PCDHGA4: variants seen among roughly 807,000 people sequenced by gnomAD.
The protein encoded by PCDHGA4 is protocadherin gamma-A4.
A neutral mutation model predicts 54.6 loss-of-function variants in PCDHGA4; 38 were observed. That is an observed-to-expected ratio of 0.70 (90% CI 0.54 to 0.91). The LOEUF (loss-of-function observed/expected upper bound fraction) is 0.91, where lower values mean the gene tolerates loss of function less well. PCDHGA4 is among the 40% of genes least tolerant of loss of function. PCDHGA4 has a pLI of 0.00. For missense variants in PCDHGA4, 1,298 were observed against 1,220.9 expected (o/e 1.06, Z -0.94); for synonymous variants, 511 against 512.9 (o/e 1.00, Z 0.05).
At position 141,399,887 on chromosome 5, in the gene PCDHGA4, T is replaced by C. The variant is rs1189359878; in HGVS notation, c.2514+42266T>C. ...GAGCCCGGCTACCTGGTGACCAAGG[T>C]AGTGGCCGTGGACGCAGACTCAGGA... On this transcript the variant is annotated intron_variant, in intron 1 of 3. Coordinates refer to ENST00000571252, the MANE Select transcript of PCDHGA4 (RefSeq NM_018917.4). 3 of 1,612,524 alleles carry C rather than the reference T, an allele frequency of 1.9e-6. No homozygotes were observed. The African/African-American group carries it at 4.0e-5, about 22-fold the overall frequency.
chr5:141,385,157 A>G (rs1338074749), intron 1 of PCDHGA4: 1 of 1,614,208 alleles, frequency 6.2e-7, no homozygotes, highest in East Asian at 2.2e-5. Flanking sequence ...CTGCAGACCT[A>G]TTCCCATGAG....
rs756091940 is a variant in PCDHGA4 at position 141,355,810 on chromosome 5, G to C, written c.703G>C (p.Glu235Gln). The change falls in exon 1 of 4, where the codon GAA (glutamate) becomes CAA (glutamine). Residue 235 changes from glutamate (E) to glutamine (Q), a missense_variant. Coordinates refer to ENST00000571252, the MANE Select transcript of PCDHGA4 (RefSeq NM_018917.4). ...LVLERALDRE[E>Q]EAVHHLVLTA... is the part of the protein sequence containing the mutation. ...GCTGGAACGCGCTCTAGATCGCGAG[G>C]AAGAGGCGGTTCACCACCTCGTTCT... 6.2e-7 allele frequency: 1 copy of C among 1,613,274 alleles called. No individual in the cohort carries two copies. The highest frequency in any genetic ancestry group is 8.5e-7 in the Non-Finnish European group (1 of 1,179,526).
intron 1 of PCDHGA4, among the ~76,000 whole-genome samples, chr5:141,400,827 C>G (rs1236536713): frequency 2.0e-5 from 3 of 152,178 alleles, no homozygotes; most frequent in Admixed American, 2.0e-4. Flanking sequence ...TTCGTTGTCT[C>G]ATTCTTTAAC....
chr5:141,400,674 T>A, intron 1 of PCDHGA4: 1 of 917,906 alleles, frequency 1.1e-6, no homozygotes, highest in Non-Finnish European at 1.7e-6. Flanking sequence ...AGAGGAGCAG[T>A]AAATTGTGAG....
rs200724467 is a variant in PCDHGA4 at position 141,399,395 on chromosome 5, G to A, written c.2514+41774G>A. 5,303 of 1,613,964 alleles carry A rather than the reference G, an allele frequency of 3.3e-3. 153 individuals carry two copies. In the South Asian group the frequency reaches 0.047, roughly 14 times the overall value. ...AATGTCACCATCACAGCCACAGACA[G>A]GGGCAAGCCGCCCCTCTCCTCCAGC... On this transcript the variant is annotated intron_variant, in intron 1 of 3. Coordinates refer to ENST00000571252, the MANE Select transcript of PCDHGA4 (RefSeq NM_018917.4).
Position 141,411,472 on chromosome 5 carries a change from T to G in PCDHGA4, c.2514+53851T>G, listed in dbSNP as rs546914871. ...GGTAGCATTCCCCTGTGGTCCCAGC[T>G]ACTTGGGAGGCTGAGCTGGGTGGAT... On this transcript the variant is annotated intron_variant, in intron 1 of 3. Coordinates refer to ENST00000571252, the MANE Select transcript of PCDHGA4 (RefSeq NM_018917.4). 2.6e-5 allele frequency: 4 copies of G among 151,948 alleles called. 1 individual carries two copies. The South Asian group carries it at 8.3e-4, about 32-fold the overall frequency. The allele number at this position is 151,948 out of a possible 1,614,324, so 9.4% of individuals were successfully genotyped here.
At chr5:141,494,965 C>T in intron 2 of PCDHGA4, 100 bp downstream of exon 2, 1 of 1,592,636 alleles carries the variant, frequency 6.3e-7, no homozygotes, top group Non-Finnish European at 8.6e-7. Context: ...CTACAGATGG[C>T]TTCTCCCTCA....
At chr5:141,460,010 G>A (rs376180479) in intron 1 of PCDHGA4, among the ~76,000 whole-genome samples, 1 of 152,126 alleles carries the variant, frequency 6.6e-6, no homozygotes, top group Admixed American at 6.5e-5. Context: ...CCCAGGAGGC[G>A]GAGGTTGCAG....
chr5:141,394,178 C>T (rs1180220826), intron 1 of PCDHGA4: 2 of 1,613,812 alleles, frequency 1.2e-6, no homozygotes, highest in South Asian at 2.2e-5. Flanking sequence ...TCCCTCATGC[C>T]TCCTACTCAG....
rs755675913 is a variant in PCDHGA4 at position 141,356,301 on chromosome 5, A to T, written c.1194A>T (p.Ala398=). 2 of 1,554,592 alleles carry T rather than the reference A, an allele frequency of 1.3e-6. No individual in the cohort carries two copies. The highest frequency in any genetic ancestry group is 1.7e-6 in the Non-Finnish European group (2 of 1,148,452). Residue 398 remains alanine, a synonymous_variant, in exon 1 of 4, where the codon GCA becomes GCT. Transcript: ENST00000571252. The part of the protein sequence containing the change: ...QESSSPGTVI[A]LFNVHDSDSG... Reference sequence around the variant, plus strand: ...CTTCTTCCCCGGGTACAGTAATTGCACTTTTCAACGTGCATGACAGTGACT... The same window carrying T: ...CTTCTTCCCCGGGTACAGTAATTGCTCTTTTCAACGTGCATGACAGTGACT...
intron 1 of PCDHGA4, among the ~76,000 whole-genome samples, chr5:141,483,547 G>A (rs1202182188): frequency 6.6e-6 from 1 of 152,140 alleles, no homozygotes. Context: ...GGTTGACAGT[G>A]CCATTCACAG....
In PCDHGA4 at chr5:141,357,746, G is replaced by A; in HGVS notation, c.2514+125G>A. ...TCTTTTAATATTTTATTGCTTTAAAGAAAACTGGTGGATGACCTTCCAATA... is the reference window on the plus strand; with the variant it reads ...TCTTTTAATATTTTATTGCTTTAAAAAAAACTGGTGGATGACCTTCCAATA... On this transcript the variant is annotated intron_variant, in intron 1 of 3. Coordinates refer to ENST00000571252, the MANE Select transcript of PCDHGA4 (RefSeq NM_018917.4). 3 of 1,173,014 alleles carry A rather than the reference G, an allele frequency of 2.6e-6. No individual in the cohort carries two copies. In the South Asian group the frequency reaches 4.9e-5, roughly 19 times the overall value. 72.7% of individuals were successfully genotyped at this position (1,173,014 alleles called of 1,614,324 possible). A position where few individuals can be genotyped will look rare whatever the true frequency, so the allele number is the denominator to read the frequency against.
chr5:141,356,730 T>C lies in PCDHGA4; in HGVS notation c.1623T>C (p.Asn541=). 1 of 1,613,992 alleles carries C rather than the reference T, an allele frequency of 6.2e-7. No homozygotes were observed. The highest frequency in any genetic ancestry group is 1.6e-4 in the Middle Eastern group (1 of 6,062). The part of the protein sequence containing the change: ...PLSSYVSINS[N]TGILYALCSF... ...CCTCCTATGTCTCCATCAACTCCAATACAGGGATCCTATATGCTCTTTGCT... is the reference window on the plus strand; with the variant it reads ...CCTCCTATGTCTCCATCAACTCCAACACAGGGATCCTATATGCTCTTTGCT... Residue 541 remains asparagine, a synonymous_variant, in exon 1 of 4, where the codon AAT becomes AAC. Coordinates refer to ENST00000571252, the MANE Select transcript of PCDHGA4 (RefSeq NM_018917.4).
At chr5:141,395,358 G>C in intron 1 of PCDHGA4, 1 of 1,346,158 alleles carries the variant, frequency 7.4e-7, no homozygotes, top group Non-Finnish European at 9.9e-7. Flanking sequence ...ACAGAGTTTT[G>C]GGTTTATTTT....
At chr5:141,429,925 A>G (rs1009987955) in intron 1 of PCDHGA4, among the ~76,000 whole-genome samples, 5 of 152,244 alleles carry the variant, frequency 3.3e-5, no homozygotes, top group African/African-American at 1.2e-4. Flanking sequence ...TATTAATAGA[A>G]TTCTGGAGTA....
chr5:141,365,891 G>C, intron 1 of PCDHGA4: 1 of 1,614,136 alleles, frequency 6.2e-7, no homozygotes, highest in Non-Finnish European at 8.5e-7. Flanking sequence ...GAGATCCTTC[G>C]ACTATGAGCA....
At position 141,487,790 on chromosome 5, in the gene PCDHGA4, C is replaced by T. The variant is rs1360781901; in HGVS notation, c.2515-7017C>T. 6.6e-7 allele frequency: 1 copy of T among 1,511,992 alleles called. No individual in the cohort carries two copies. Among genetic ancestry groups the T allele is most frequent in the Non-Finnish European group, 8.9e-7 (1 of 1,120,458 alleles). The allele number at this position is 1,511,992 out of a possible 1,614,324, so 93.7% of individuals were successfully genotyped here. ...GCTTTGTAACTGTTTCGTGAATTAA[C>T]CAGAGTTGTCACAGTTTAGCATTGG... On this transcript the variant is annotated intron_variant, in intron 1 of 3. Coordinates refer to ENST00000571252, the MANE Select transcript of PCDHGA4 (RefSeq NM_018917.4). This position sits in a 1 kb window ranked among gnomAD's most constrained non-coding sequence, Gnocchi z 5.0.
In PCDHGA4 at chr5:141,511,367, G is replaced by A. The variant is rs563286583; in HGVS notation, c.*194G>A. ...CCTTCCCCCCCAGGGGGTTGAATAT[G>A]CAAAAGCAGTTCCGCTGGGAACCCC... On this transcript the variant is annotated 3_prime_UTR_variant, in exon 4 of 4. Coordinates refer to ENST00000571252, the MANE Select transcript of PCDHGA4 (RefSeq NM_018917.4). 2.3e-6 allele frequency: 3 copies of A among 1,299,952 alleles called. No individual in the cohort carries two copies. Among genetic ancestry groups the A allele is most frequent in the Non-Finnish European group, 3.1e-6 (3 of 967,442 alleles). 80.5% of individuals were successfully genotyped at this position (1,299,952 alleles called of 1,614,324 possible).
rs912402706 is a variant in PCDHGA4, at chr5:141,362,030, T to G, written c.2514+4409T>G. On this transcript the variant is annotated intron_variant, in intron 1 of 3. Coordinates refer to ENST00000571252, the MANE Select transcript of PCDHGA4 (RefSeq NM_018917.4). ...GGTGAGGTGCGCACAGCGCGTGCCTTGGGCGACAGGGACGCGGCCCGCCAG... is the reference window on the plus strand; with the variant it reads ...GGTGAGGTGCGCACAGCGCGTGCCTGGGGCGACAGGGACGCGGCCCGCCAG... 6 of 1,608,644 alleles carry G rather than the reference T, an allele frequency of 3.7e-6. No individual in the cohort carries two copies. In the African/African-American group the frequency reaches 5.3e-5, roughly 14 times the overall value.
Sources: allele counts gnomAD v4.1 joint callset (sites outside exome capture counted in the v4.1 genomes callset), GRCh38; gene constraint gnomAD v4.1.1; non-coding constraint Gnocchi (gnomAD v3.1); transcripts MANE v1.5; gene names NCBI Gene and HGNC (gene_info 2026-07-23, HGNC 2026-07-21).